PEX14: variants seen among roughly 807,000 people sequenced by gnomAD.
PEX14 encodes peroxisomal biogenesis factor 14.
PEX14 carries 15 observed loss-of-function variants against 49.5 expected under a neutral mutation model. The ratio of observed to expected loss-of-function variants is 0.30; its 90% CI spans 0.20 to 0.47. The LOEUF (loss-of-function observed/expected upper bound fraction) is 0.47. Among genes scored for constraint, PEX14 ranks in the 20% least tolerant of loss-of-function variants. PEX14 has a pLI of 1.00. For synonymous variants in PEX14, 210 were observed against 212.7 expected (o/e 0.99, Z 0.11); for missense variants, 398 against 494.8 (o/e 0.80, Z 1.86).
At position 10,551,507 on chromosome 1, in the gene PEX14, C is replaced by CT. The variant is rs1472086490; in HGVS notation, c.169+15213dup. 2.6e-5 allele frequency among the ~76,000 whole-genome samples: 4 copies of CT among 152,092 alleles called. No homozygotes were observed. The South Asian group carries it at 6.2e-4, about 24-fold the overall frequency. ...GCAGCACGGATTCGGCTTGGAGATTCTTTAGAGGTGACTCCAGGGCAGTAA... is the reference window on the plus strand; with the variant it reads ...GCAGCACGGATTCGGCTTGGAGATTCTTTTAGAGGTGACTCCAGGGCAGTAA... On this transcript the variant is annotated intron_variant, in intron 3 of 8. Coordinates refer to ENST00000356607, the MANE Select transcript of PEX14 (RefSeq NM_004565.3).
intron 7 of PEX14, among the ~76,000 whole-genome samples, chr1:10,625,860 C>A (rs760121838): frequency 1.3e-5 from 2 of 152,200 alleles, no homozygotes; most frequent in Non-Finnish European, 2.9e-5. Context: ...GGGTTGGGCC[C>A]CTCAGAGTCC....
intron 3 of PEX14, among the ~76,000 whole-genome samples, chr1:10,552,365 C>T (rs1418763566): frequency 6.6e-6 from 1 of 152,204 alleles, no homozygotes; most frequent in East Asian, 1.9e-4. Flanking sequence ...TCGTTTGAAC[C>T]TGGGAGGCGG....
Position 10,482,071 on chromosome 1 carries a change from C to T in PEX14, c.36+7069C>T, listed in dbSNP as rs751829926. The stretch of plus-strand genomic sequence containing the variant: ...AACTCCTGAGCTCAACCAGTCTGCC[C>T]GTCTGGGCCTCCCAAAGTGCTGAGA... On this transcript the variant is annotated intron_variant, in intron 1 of 8. Transcript: ENST00000356607. Among the ~76,000 whole-genome samples the T allele has an allele frequency of 1.1e-3, 165 of 151,990 alleles. 1 individual carries two copies. The highest frequency in any genetic ancestry group is 4.1e-4 in the Non-Finnish European group (28 of 67,984).
chr1:10,489,192 G>A (rs1156507772), intron 1 of PEX14, among the ~76,000 whole-genome samples: 1 of 151,606 alleles, frequency 6.6e-6, no homozygotes, highest in East Asian at 1.9e-4. Flanking sequence ...TGTTGGTCAG[G>A]CTAGTCTCGA....
rs540808167 is a variant in PEX14, at chr1:10,588,538, A to G, written c.170-10700A>G. On this transcript the variant is annotated intron_variant, in intron 3 of 8. Coordinates refer to ENST00000356607, the MANE Select transcript of PEX14 (RefSeq NM_004565.3). The stretch of plus-strand genomic sequence containing the variant: ...TTTAAATGGAAAATTCCAGAAATAA[A>G]TGATTCATAAGTTTTAAATTGTGTG... Among the ~76,000 whole-genome samples the G allele has an allele frequency of 2.6e-5, 4 of 152,340 alleles. No homozygotes were observed. In the East Asian group the frequency reaches 7.7e-4, roughly 29 times the overall value.
At chr1:10,624,924 G>A (rs1641701548) in intron 7 of PEX14, among the ~76,000 whole-genome samples, 1 of 152,080 alleles carries the variant, frequency 6.6e-6, no homozygotes, top group Non-Finnish European at 1.5e-5. Context: ...AGGTTCCATG[G>A]GTTCTGGCAA....
At chr1:10,537,161 G>A (rs1476174086) in intron 3 of PEX14, among the ~76,000 whole-genome samples, 1 of 152,164 alleles carries the variant, frequency 6.6e-6, no homozygotes, top group Non-Finnish European at 1.5e-5. Flanking sequence ...AAGGGATGCA[G>A]CATGAACCAT....
chr1:10,620,656 C>T (rs999894648), intron 5 of PEX14, among the ~76,000 whole-genome samples: 2 of 152,020 alleles, frequency 1.3e-5, no homozygotes, highest in Admixed American at 6.5e-5. Flanking sequence ...GGTGTCATGG[C>T]GTGCACCTGT....
chr1:10,522,761 G>A (rs1016571734), intron 2 of PEX14, among the ~76,000 whole-genome samples: 1 of 152,200 alleles, frequency 6.6e-6, no homozygotes, highest in African/African-American at 2.4e-5. Flanking sequence ...CCTAGAATGA[G>A]GCATTCTGGA....
chr1:10,625,281 T>C (rs1227445063), intron 7 of PEX14, among the ~76,000 whole-genome samples: 1 of 152,020 alleles, frequency 6.6e-6, no homozygotes, highest in Non-Finnish European at 1.5e-5. Context: ...GCCTGGTAGC[T>C]CCAGAACACC....
At chr1:10,519,160 C>T (rs558606716) in intron 2 of PEX14, among the ~76,000 whole-genome samples, 2 of 152,080 alleles carry the variant, frequency 1.3e-5, no homozygotes, top group East Asian at 1.9e-4. Flanking sequence ...CCTAACACCC[C>T]CCTTTTCATC....
intron 1 of PEX14, among the ~76,000 whole-genome samples, chr1:10,490,857 C>T (rs775770031): frequency 6.6e-6 from 1 of 152,034 alleles, no homozygotes; most frequent in Admixed American, 6.6e-5. Flanking sequence ...CATGTGCCAC[C>T]ATGCGTGGCA....
intron 3 of PEX14, among the ~76,000 whole-genome samples, chr1:10,536,741 G>A (rs955002277): frequency 8.5e-5 from 13 of 152,172 alleles, no homozygotes; most frequent in Non-Finnish European, 1.8e-4. Flanking sequence ...TTAAACTCAA[G>A]CTTGGGGTCA....
intron 3 of PEX14, among the ~76,000 whole-genome samples, chr1:10,549,812 G>A (rs1358871722): frequency 6.6e-6 from 1 of 152,054 alleles, no homozygotes; most frequent in Non-Finnish European, 1.5e-5. Context: ...TCAGATTTTT[G>A]GATCAGGGAT....
At chr1:10,490,185 A>G (rs1463047744) in intron 1 of PEX14, among the ~76,000 whole-genome samples, 1 of 152,184 alleles carries the variant, frequency 6.6e-6, no homozygotes, top group African/African-American at 2.4e-5. Context: ...AAGCTTGTGT[A>G]CTTTCTGTCA....
chr1:10,482,555 T>C (rs916462877), intron 1 of PEX14, among the ~76,000 whole-genome samples: 1 of 151,790 alleles, frequency 6.6e-6, no homozygotes, highest in Non-Finnish European at 1.5e-5. Context: ...TGCCTCAGCC[T>C]CCCAAGTAGC....
chr1:10,541,470 G>A (rs191999189), intron 3 of PEX14, among the ~76,000 whole-genome samples: 117 of 152,352 alleles, frequency 7.7e-4, no homozygotes, highest in Non-Finnish European at 1.3e-3. Context: ...CCCTGCCCTA[G>A]TGTGGGTCCA....
At chr1:10,555,932 G>A (rs957661496) in intron 3 of PEX14, among the ~76,000 whole-genome samples, 1 of 152,066 alleles carries the variant, frequency 6.6e-6, no homozygotes, top group African/African-American at 2.4e-5. Flanking sequence ...CAAGCATTAG[G>A]GGAGGAAGAA....
At chr1:10,570,396 G>A (rs1290243581) in intron 3 of PEX14, among the ~76,000 whole-genome samples, 1 of 151,988 alleles carries the variant, frequency 6.6e-6, no homozygotes, top group Admixed American at 6.6e-5. Flanking sequence ...GCAGTGGTGC[G>A]ATCTTGGCTC....
Sources: allele counts gnomAD v4.1 joint callset (sites outside exome capture counted in the v4.1 genomes callset), GRCh38; gene constraint gnomAD v4.1.1; transcripts MANE v1.5; gene names NCBI Gene and HGNC (gene_info 2026-07-23, HGNC 2026-07-21).